PXDNL: variants seen among roughly 807,000 people sequenced by gnomAD.
PXDNL encodes probable oxidoreductase PXDNL.
PXDNL carries 145 observed loss-of-function variants against 150.8 expected under a neutral mutation model. The ratio of observed to expected loss-of-function variants is 0.96; its 90% CI spans 0.84 to 1.10. The LOEUF is 1.10. Ranked by LOEUF, PXDNL falls within the 50% of genes least tolerant of loss-of-function variation. PXDNL has a pLI of 0.00. For synonymous variants in PXDNL, 757 were observed against 725.7 expected (o/e 1.04, Z -0.69); for missense variants, 2,087 against 1,873.9 (o/e 1.11, Z -2.10).
intron 5 of PXDNL, among the ~76,000 whole-genome samples, chr8:51,492,669 G>A (rs777662427): frequency 1.8e-4 from 28 of 152,142 alleles, no homozygotes; most frequent in Non-Finnish European, 2.8e-4. Flanking sequence ...CTACGCCCAC[G>A]GAGCCTCTCT....
intron 20 of PXDNL, among the ~76,000 whole-genome samples, chr8:51,341,606 C>G (rs905871980): frequency 1.3e-5 from 2 of 152,128 alleles, no homozygotes; most frequent in African/African-American, 4.8e-5. Flanking sequence ...CATTGAGCAA[C>G]AATTCTCCAT....
At chr8:51,370,537 C>G (rs1280664896) in intron 19 of PXDNL, among the ~76,000 whole-genome samples, 1 of 152,196 alleles carries the variant, frequency 6.6e-6, no homozygotes, top group Non-Finnish European at 1.5e-5. Flanking sequence ...GAATGCCACC[C>G]TCCCCGGGGT....
At chr8:51,405,356 C>G (rs1479339394) in intron 17 of PXDNL, among the ~76,000 whole-genome samples, 3 of 152,154 alleles carry the variant, frequency 2.0e-5, no homozygotes, top group African/African-American at 7.2e-5. Context: ...AGGGTGAAGT[C>G]CTCATTAAAG....
intron 4 of PXDNL, among the ~76,000 whole-genome samples, chr8:51,523,758 T>C (rs1364045280): frequency 6.6e-6 from 1 of 152,210 alleles, no homozygotes; most frequent in Non-Finnish European, 1.5e-5. Flanking sequence ...TTCCCCTTTG[T>C]ACAGGAGGTC....
chr8:51,740,774 A>G (rs2036898678), intron 1 of PXDNL, among the ~76,000 whole-genome samples: 1 of 152,098 alleles, frequency 6.6e-6, no homozygotes, highest in African/African-American at 2.4e-5. Context: ...ATTGATTTGC[A>G]TATGTTGAAC....
intron 4 of PXDNL, among the ~76,000 whole-genome samples, chr8:51,517,977 G>A (rs1289077618): frequency 3.9e-5 from 6 of 152,040 alleles, no homozygotes; most frequent in Non-Finnish European, 7.4e-5. Flanking sequence ...GCTTCTGTTT[G>A]GTGTAGTTAG....
intron 4 of PXDNL, among the ~76,000 whole-genome samples, chr8:51,511,963 T>G (rs1281979970): frequency 6.6e-6 from 1 of 152,188 alleles, no homozygotes; most frequent in Non-Finnish European, 1.5e-5. Flanking sequence ...AAGACTTCAG[T>G]TGAATTTTTA....
At chr8:51,655,602 G>A (rs971380819) in intron 1 of PXDNL, among the ~76,000 whole-genome samples, 10 of 152,114 alleles carry the variant, frequency 6.6e-5, no homozygotes, top group African/African-American at 9.7e-5. Flanking sequence ...TGGTAAAGAC[G>A]TCAAGCAGGG....
At chr8:51,619,736 C>G (rs1255476853) in intron 2 of PXDNL, among the ~76,000 whole-genome samples, 1 of 152,158 alleles carries the variant, frequency 6.6e-6, no homozygotes. Context: ...CCTACAGAAC[C>G]GTGAGCCAAT....
At chr8:51,722,615 G>A (rs1816751963) in intron 1 of PXDNL, among the ~76,000 whole-genome samples, 1 of 152,130 alleles carries the variant, frequency 6.6e-6, no homozygotes. Context: ...GATGGAGTGG[G>A]AAGACGATCT....
intron 18 of PXDNL, among the ~76,000 whole-genome samples, chr8:51,374,304 T>C (rs961694122): frequency 6.6e-6 from 1 of 152,230 alleles, no homozygotes; most frequent in African/African-American, 2.4e-5. Context: ...CTGTAAGTGG[T>C]GAGACTCAGA....
chr8:51,552,403 G>T (rs1812510275), intron 4 of PXDNL, among the ~76,000 whole-genome samples: 1 of 152,070 alleles, frequency 6.6e-6, no homozygotes, highest in Non-Finnish European at 1.5e-5. Flanking sequence ...AGCACAATTT[G>T]CAATTGCAAA....
chr8:51,629,117 A>G (rs1262103766), intron 2 of PXDNL, among the ~76,000 whole-genome samples: 1 of 152,214 alleles, frequency 6.6e-6, no homozygotes, highest in Non-Finnish European at 1.5e-5. Flanking sequence ...AAAAAAGCCA[A>G]AAGAAACCAC....
At chr8:51,500,041 G>A (rs4873556) in intron 4 of PXDNL, among the ~76,000 whole-genome samples, 48,945 of 151,884 alleles carry the variant, frequency 0.32, 8,765 homozygotes, top group African/African-American at 0.47. Flanking sequence ...CTCTTGAGTC[G>A]ATGCTAACTG....
At chr8:51,472,148 G>A in intron 8 of PXDNL, 39 bp downstream of exon 8, 1 of 1,312,430 alleles carries the variant, frequency 7.6e-7, no homozygotes, top group Non-Finnish European at 1.1e-6. Flanking sequence ...GCTGGAATCA[G>A]AAGGAGAATC....
intron 19 of PXDNL, among the ~76,000 whole-genome samples, chr8:51,354,646 T>C (rs1220686471): frequency 6.6e-6 from 1 of 152,096 alleles, no homozygotes; most frequent in Non-Finnish European, 1.5e-5. Flanking sequence ...GAGGCACTTA[T>C]TTTATGGTAA....
chr8:51,788,012 TCAG>T (rs1183348560), intron 1 of PXDNL, among the ~76,000 whole-genome samples: 1 of 152,224 alleles, frequency 6.6e-6, no homozygotes, highest in East Asian at 1.9e-4. Context: ...CCAATGATCA[TCAG>T]CATGTTTTAG....
intron 4 of PXDNL, among the ~76,000 whole-genome samples, chr8:51,531,936 G>C (rs546688981): frequency 2.0e-5 from 3 of 152,344 alleles, no homozygotes; most frequent in South Asian, 2.1e-4. Context: ...TTCAGTTGCA[G>C]ACATCCCAAG....
rs114475261 is a variant in PXDNL, at chr8:51,727,859, C to T, written c.165-73099G>A. Among the ~76,000 whole-genome samples, 550 of 152,236 alleles carry T rather than the reference C, an allele frequency of 3.6e-3. 5 individuals carry two copies. Among genetic ancestry groups the T allele is most frequent in the African/African-American group, 0.013 (522 of 41,548 alleles). ...TCTAGCAGAGCACTCTGAGCTCTGC[C>T]GGTTTTGACTGCTCCCAAGTTCATG... On this transcript the variant is annotated intron_variant, in intron 1 of 22. Coordinates refer to ENST00000356297, the MANE Select transcript of PXDNL (RefSeq NM_144651.5).
Sources: allele counts gnomAD v4.1 joint callset (sites outside exome capture counted in the v4.1 genomes callset), GRCh38; gene constraint gnomAD v4.1.1; transcripts MANE v1.5; gene names NCBI Gene and HGNC (gene_info 2026-07-23, HGNC 2026-07-21).